The following PRKD1 variants were observed in gnomAD, a reference collection of about 807,000 sequenced individuals.
PRKD1 encodes the protein serine/threonine-protein kinase D1.
PRKD1 carries 63 observed loss-of-function variants against 95.9 expected under a neutral mutation model. That is an observed-to-expected ratio of 0.66 (90% CI 0.54 to 0.81). PRKD1 has a LOEUF of 0.81. Ranked by LOEUF, PRKD1 falls within the 30% of genes least tolerant of loss-of-function variation. The probability of loss-of-function intolerance (pLI) is 0.00; values close to 1 mark genes in which losing one functional copy is unlikely to be tolerated. For missense variants in PRKD1, 1,048 were observed against 1,165.3 expected (o/e 0.90, Z 1.47); for synonymous variants, 425 against 423.1 (o/e 1.00, Z -0.05).
intron 1 of PRKD1, among the ~76,000 whole-genome samples, chr14:29,871,538 CTG>C (rs1893108159): frequency 6.6e-6 from 1 of 152,158 alleles, no homozygotes; most frequent in Non-Finnish European, 1.5e-5. Context: ...CTTGCCCTCT[CTG>C]TGTTTCAGCT....
chr14:29,785,404 C>T (rs61979961), intron 1 of PRKD1, among the ~76,000 whole-genome samples: 23,812 of 151,966 alleles, frequency 0.16, 2,104 homozygotes, highest in South Asian at 0.21. Flanking sequence ...TATTGATTTT[C>T]GTATGTTCAT....
At chr14:29,895,648 T>C (rs1471083011) in intron 1 of PRKD1, among the ~76,000 whole-genome samples, 1 of 151,968 alleles carries the variant, frequency 6.6e-6, no homozygotes. Flanking sequence ...TTATCTCATC[T>C]CCCCACTCAC....
intron 13 of PRKD1, among the ~76,000 whole-genome samples, chr14:29,615,480 G>A (rs949697574): frequency 6.6e-6 from 1 of 152,206 alleles, no homozygotes; most frequent in Non-Finnish European, 1.5e-5. Flanking sequence ...ATGTTGCTGA[G>A]GTGGTTGCTC....
At chr14:29,888,009 T>G (rs77140353) in intron 1 of PRKD1, among the ~76,000 whole-genome samples, 7,801 of 152,280 alleles carry the variant, frequency 0.051, 693 homozygotes, top group African/African-American at 0.17. Flanking sequence ...AATGTATAAA[T>G]GCCATATGAG....
intron 2 of PRKD1, among the ~76,000 whole-genome samples, chr14:29,675,162 C>A (rs181817261): frequency 6.6e-6 from 1 of 152,184 alleles, no homozygotes; most frequent in African/African-American, 2.4e-5. Flanking sequence ...CACGAAGATT[C>A]ATGACTTCAT....
chr14:29,798,774 A>G (rs1889914005), intron 1 of PRKD1, among the ~76,000 whole-genome samples: 1 of 152,264 alleles, frequency 6.6e-6, no homozygotes, highest in Non-Finnish European at 1.5e-5. Flanking sequence ...TAAAAATATA[A>G]CCCAACCTTT....
intron 1 of PRKD1, among the ~76,000 whole-genome samples, chr14:29,781,832 T>C (rs1889060178): frequency 6.6e-6 from 1 of 152,240 alleles, no homozygotes; most frequent in South Asian, 2.1e-4. Context: ...AGTCAACATA[T>C]TCTCCCTAAA....
intron 1 of PRKD1, among the ~76,000 whole-genome samples, chr14:29,740,452 A>G (rs1886937449): frequency 6.6e-6 from 1 of 152,218 alleles, no homozygotes. Context: ...GAATATTTTC[A>G]AGGTGACAGT....
At chr14:29,646,086 T>C (rs950454660) in intron 4 of PRKD1, among the ~76,000 whole-genome samples, 3 of 152,174 alleles carry the variant, frequency 2.0e-5, no homozygotes, top group African/African-American at 7.2e-5. Flanking sequence ...TATACATATA[T>C]GAAAGTTCAA....
intron 1 of PRKD1, among the ~76,000 whole-genome samples, chr14:29,809,911 GT>G (rs1890408215): frequency 6.6e-6 from 1 of 152,170 alleles, no homozygotes; most frequent in South Asian, 2.1e-4. Context: ...ATCATTTATA[GT>G]TTTTGATTTA....
At chr14:29,697,747 C>T (rs1271997416) in intron 2 of PRKD1, among the ~76,000 whole-genome samples, 7 of 152,082 alleles carry the variant, frequency 4.6e-5, no homozygotes, top group African/African-American at 1.4e-4. Context: ...CCAGCAATTT[C>T]AGCAAATGTA....
intron 1 of PRKD1, among the ~76,000 whole-genome samples, chr14:29,873,839 G>A (rs1893195471): frequency 6.6e-6 from 1 of 151,568 alleles, no homozygotes; most frequent in African/African-American, 2.4e-5. Context: ...TTTTAATAAA[G>A]TAGCACATAT....
intron 4 of PRKD1, among the ~76,000 whole-genome samples, chr14:29,642,034 G>A (rs890940616): frequency 2.0e-5 from 3 of 150,888 alleles, no homozygotes; most frequent in African/African-American, 7.3e-5. Flanking sequence ...CTCCCAAGTA[G>A]CTGGGATTAT....
intron 13 of PRKD1, among the ~76,000 whole-genome samples, chr14:29,606,900 C>A (rs1276609945): frequency 6.6e-6 from 1 of 152,184 alleles, no homozygotes; most frequent in Non-Finnish European, 1.5e-5. Flanking sequence ...GGAGCAAGTT[C>A]TCTGAAGACA....
chr14:29,879,296 G>A (rs539556387), intron 1 of PRKD1, among the ~76,000 whole-genome samples: 20 of 152,298 alleles, frequency 1.3e-4, no homozygotes, highest in South Asian at 6.2e-4. Flanking sequence ...GCGGTGGGGC[G>A]CGGGTAATTT....
At chr14:29,609,710 C>A (rs373170159) in intron 13 of PRKD1, among the ~76,000 whole-genome samples, 646 of 21,770 alleles carry the variant, frequency 0.03, 8 homozygotes, top group South Asian at 0.079. Context: ...CCAGCTATTT[C>A]TTTATTTTTT....
At chr14:29,627,889 T>G (rs963546104) in intron 11 of PRKD1, among the ~76,000 whole-genome samples, 1 of 152,210 alleles carries the variant, frequency 6.6e-6, no homozygotes, top group African/African-American at 2.4e-5. Flanking sequence ...TCTATTATTC[T>G]GATTTCAAGC....
chr14:29,802,005 T>C (rs1339810339), intron 1 of PRKD1, among the ~76,000 whole-genome samples: 1 of 152,206 alleles, frequency 6.6e-6, no homozygotes, highest in Non-Finnish European at 1.5e-5. Flanking sequence ...ACATCTTTTA[T>C]ACCTGTAATC....
intron 1 of PRKD1, among the ~76,000 whole-genome samples, chr14:29,728,791 C>T (rs1168958442): frequency 6.6e-6 from 1 of 152,058 alleles, no homozygotes; most frequent in Non-Finnish European, 1.5e-5. Flanking sequence ...TGGGTAAATA[C>T]CCAGAAGCAG....
Sources: gnomAD v4.1 joint callset for allele counts (sites outside exome capture counted in the v4.1 genomes callset) on GRCh38, gnomAD v4.1.1 for gene constraint, MANE v1.5 for transcripts, NCBI Gene and HGNC (gene_info 2026-07-23, HGNC 2026-07-21) for gene names.